HMGB1: variants seen among roughly 807,000 people sequenced by gnomAD.
HMGB1 encodes the protein high mobility group box 1, also known as high mobility group protein B1.
For missense variants in HMGB1, 79 were observed against 253.5 expected, an observed-to-expected ratio of 0.31 and a Z score of 4.67; for synonymous variants, 81 against 84.0, an observed-to-expected ratio of 0.96 and a Z score of 0.19.
Position 30,522,966 on chromosome 13 carries a change from G to A in HMGB1, c.-14-59272C>T, listed in dbSNP as rs531937727. Among the ~76,000 whole-genome samples the A allele has an allele frequency of 2.3e-3, 357 of 151,990 alleles. 1 individual carries two copies. Among genetic ancestry groups the A allele is most frequent in the African/African-American group, 8.0e-3 (331 of 41,448 alleles). On this transcript the variant is annotated intron_variant, in intron 1 of 4. Transcript: ENST00000405805. ...TGGGTTCAAGTGATCCACCCACCTC[G>A]GCCTCCCAAAGTGTTGGGATTACAG... is the stretch of plus-strand genomic sequence containing the variant.
At chr13:30,475,816 C>T (rs1198203817) in intron 1 of HMGB1, among the ~76,000 whole-genome samples, 1 of 152,186 alleles carries the variant, frequency 6.6e-6, no homozygotes, top group Non-Finnish European at 1.5e-5. Flanking sequence ...CACATTTCCA[C>T]ATGGGGAGGA....
At chr13:30,492,994 C>CAA (rs1022752871) in intron 1 of HMGB1, among the ~76,000 whole-genome samples, 587 of 39,534 alleles carry the variant, frequency 0.015, 14 homozygotes, top group African/African-American at 0.04. Context: ...GACTACATCT[C>CAA]AAAAAAAAAA....
chr13:30,496,401 A>C (rs1337169608), intron 1 of HMGB1, among the ~76,000 whole-genome samples: 2 of 152,194 alleles, frequency 1.3e-5, no homozygotes, highest in Non-Finnish European at 2.9e-5. Flanking sequence ...CTGCACCCTC[A>C]GTTCTACCCC....
chr13:30,569,981 A>C (rs1870359097), intron 1 of HMGB1, among the ~76,000 whole-genome samples: 1 of 152,200 alleles, frequency 6.6e-6, no homozygotes, highest in Non-Finnish European at 1.5e-5. Context: ...TTGTAAATGC[A>C]TGGGCTTTGG....
chr13:30,487,968 CTT>C lies in HMGB1; in HGVS notation c.-14-24276_-14-24275del, dbSNP rs1171803205. Among the ~76,000 whole-genome samples the C allele has an allele frequency of 3.3e-5, 5 of 152,286 alleles. 1 individual carries two copies. The East Asian group carries it at 7.7e-4, about 23-fold the overall frequency. On this transcript the variant is annotated intron_variant, in intron 1 of 4. Coordinates refer to the HMGB1 transcript ENST00000405805. ...TAATTAAAGGGAAAAAAATTATACTCTTAGTAGTTCTAGAGGCTGGGAATTAT... is the reference window on the plus strand; with the variant it reads ...TAATTAAAGGGAAAAAAATTATACTCAGTAGTTCTAGAGGCTGGGAATTAT...
Position 30,592,128 on chromosome 13 carries a change from T to C in HMGB1, c.-15+24543A>G, listed in dbSNP as rs548886262. On this transcript the variant is annotated intron_variant, in intron 1 of 4. Coordinates refer to the HMGB1 transcript ENST00000405805. ...ATTTTTAATCAATAAAATATTTCTC[T>C]TTGGTCAATACTTGTCAATATAGAA... is the stretch of plus-strand genomic sequence containing the variant. 8.6e-5 allele frequency among the ~76,000 whole-genome samples: 13 copies of C among 151,922 alleles called. No individual in the cohort carries two copies. The East Asian group carries it at 2.3e-3, about 27-fold the overall frequency.
chr13:30,607,427 C>G (rs1950470822), intron 1 of HMGB1, among the ~76,000 whole-genome samples: 1 of 152,202 alleles, frequency 6.6e-6, no homozygotes, highest in Non-Finnish European at 1.5e-5. Context: ...GGGACTTCCT[C>G]CTACTTGCTC....
intron 1 of HMGB1, among the ~76,000 whole-genome samples, chr13:30,516,001 G>A (rs1363467903): frequency 6.6e-6 from 1 of 152,128 alleles, no homozygotes; most frequent in Non-Finnish European, 1.5e-5. Context: ...TCTGGCAAAT[G>A]CTACATACAA....
At chr13:30,566,641 A>T (rs1870198027) in intron 1 of HMGB1, among the ~76,000 whole-genome samples, 2 of 152,236 alleles carry the variant, frequency 1.3e-5, no homozygotes, top group Non-Finnish European at 2.9e-5. Context: ...ATCTCGATCC[A>T]ATTTATACCC....
intron 1 of HMGB1, among the ~76,000 whole-genome samples, chr13:30,589,013 T>A (rs1445698676): frequency 2.0e-5 from 3 of 151,974 alleles, no homozygotes; most frequent in Non-Finnish European, 4.4e-5. Flanking sequence ...ACCACTTTTT[T>A]TTTTTTTTTG....
chr13:30,542,822 C>T (rs1426126222), intron 1 of HMGB1: 1 of 161,650 alleles, frequency 6.2e-6, no homozygotes, highest in African/African-American at 2.4e-5. Flanking sequence ...TCTCCCATTT[C>T]TCACTGTGAT....
intron 1 of HMGB1, among the ~76,000 whole-genome samples, chr13:30,475,225 CTTT>C (rs371643884): frequency 4.3e-5 from 4 of 92,532 alleles, no homozygotes; most frequent in Admixed American, 1.3e-4. Context: ...CTCTCTCTCT[CTTT>C]TTTTTTTTTT....
At chr13:30,528,171 A>G (rs1220814935) in intron 1 of HMGB1, among the ~76,000 whole-genome samples, 1 of 152,230 alleles carries the variant, frequency 6.6e-6, no homozygotes, top group Admixed American at 6.5e-5. Flanking sequence ...TTTTCTACGT[A>G]CAGGTTTTGA....
At chr13:30,615,886 CT>C (rs1436433439) in intron 1 of HMGB1, among the ~76,000 whole-genome samples, 1 of 152,172 alleles carries the variant, frequency 6.6e-6, no homozygotes, top group Admixed American at 6.5e-5. Context: ...AGCTTCCTCC[CT>C]TTAAATCATG....
chr13:30,510,080 A>T (rs182787417), intron 1 of HMGB1, among the ~76,000 whole-genome samples: 3 of 152,180 alleles, frequency 2.0e-5, no homozygotes, highest in Non-Finnish European at 4.4e-5. Flanking sequence ...GAACCTGAAC[A>T]ACCACCTGCA....
intron 1 of HMGB1, among the ~76,000 whole-genome samples, chr13:30,566,869 T>C (rs1870204997): frequency 6.6e-6 from 1 of 152,218 alleles, no homozygotes; most frequent in African/African-American, 2.4e-5. Flanking sequence ...TAATTAAACA[T>C]CACCTAAATA....
At chr13:30,472,254 G>A (rs949842191) in intron 1 of HMGB1, among the ~76,000 whole-genome samples, 1 of 152,098 alleles carries the variant, frequency 6.6e-6, no homozygotes, top group Non-Finnish European at 1.5e-5. Flanking sequence ...GCCACAGAGT[G>A]AGACTCTGTC....
chr13:30,464,095 G>A, intron 1 of HMGB1: 5 of 985,946 alleles, frequency 5.1e-6, no homozygotes, highest in Non-Finnish European at 6.0e-6. Context: ...CACTAGATAG[G>A]GAATAAACAA....
At chr13:30,576,541 C>G (rs1870663930) in intron 1 of HMGB1, among the ~76,000 whole-genome samples, 5 of 151,790 alleles carry the variant, frequency 3.3e-5, no homozygotes. Flanking sequence ...TTAAGTCTCC[C>G]TTTGCTTTCT....
Sources: gnomAD v4.1 joint callset for allele counts (sites outside exome capture counted in the v4.1 genomes callset) on GRCh38, gnomAD v4.1.1 for gene constraint, MANE v1.5 for transcripts, NCBI Gene and HGNC (gene_info 2026-07-23, HGNC 2026-07-21) for gene names.